The following GLI4 variants were observed in gnomAD, a reference collection of about 807,000 sequenced individuals.
The protein encoded by GLI4 is GLI family zinc finger 4, also known as zinc finger protein GLI4.
In GLI4, 34 loss-of-function variants were observed where a neutral mutation model predicts 30.9. The observed-to-expected ratio is 1.10, with a 90% CI of 0.84 to 1.47. The LOEUF is 1.47. GLI4 is among the 40% of genes most tolerant of loss of function. GLI4 has a pLI of 0.00. For synonymous variants in GLI4, 277 were observed against 236.7 expected (o/e 1.17, Z -1.56); for missense variants, 696 against 538.9 (o/e 1.29, Z -2.89).
intron 2 of GLI4, among the ~76,000 whole-genome samples, chr8:143,273,758 G>C (rs2977359): frequency 6.6e-6 from 1 of 152,244 alleles, no homozygotes; most frequent in Non-Finnish European, 1.5e-5. Flanking sequence ...GGGACACCCA[G>C]ATTCGGCCTC....
At chr8:143,271,763 G>A (rs1035976095) in intron 2 of GLI4, among the ~76,000 whole-genome samples, 3 of 152,160 alleles carry the variant, frequency 2.0e-5, no homozygotes, top group South Asian at 2.1e-4. Flanking sequence ...GGGGAGGGTC[G>A]TGAGGGGCAT....
chr8:143,273,309 A>G (rs11136277), intron 2 of GLI4: 61,993 of 152,126 alleles, frequency 0.41, 15,163 homozygotes, highest in East Asian at 0.69. Context: ...GAAAGACCCA[A>G]AGATGGTTTG....
chr8:143,276,216 G>T lies in GLI4; in HGVS notation c.543G>T (p.Lys181Asn). ...RSRQGSARGA[K>N]PHRCEACGKS... is the part of the protein sequence containing the mutation. ...GGCAGGGCAGCGCGCGGGGGGCCAAGCCGCACAGGTGCGAGGCCTGCGGCA... is the reference window on the plus strand; with the variant it reads ...GGCAGGGCAGCGCGCGGGGGGCCAATCCGCACAGGTGCGAGGCCTGCGGCA... Residue 181 changes from lysine to asparagine, a missense_variant, in exon 4 of 4, where the codon AAG becomes AAT. Physicochemically the swap from Lys to Asn is moderately conservative, Grantham distance 94 (BLOSUM62 0). Transcript: ENST00000340042. The T allele has an allele frequency of 6.9e-6, 11 of 1,586,834 alleles. No individual in the cohort carries two copies. The highest frequency in any genetic ancestry group is 9.4e-6 in the Non-Finnish European group (11 of 1,167,504).
chr8:143,271,443 G>A (rs1205236913), intron 2 of GLI4, among the ~76,000 whole-genome samples: 1 of 152,234 alleles, frequency 6.6e-6, no homozygotes. Flanking sequence ...GGCAGGGGCT[G>A]TTTCTGGGCG....
At chr8:143,271,551 C>A (rs1815268350) in intron 2 of GLI4, among the ~76,000 whole-genome samples, 2 of 152,164 alleles carry the variant, frequency 1.3e-5, no homozygotes, top group African/African-American at 2.4e-5. Context: ...GGCCATCCTG[C>A]CAATTAGGGA....
intron 3 of GLI4, chr8:143,275,025 C>T: frequency 1.3e-6 from 2 of 1,522,772 alleles, no homozygotes; most frequent in Middle Eastern, 1.7e-4. Context: ...CCACAGCCAC[C>T]TGCGCCAGTG....
chr8:143,275,246 C>T (rs1269360971), intron 3 of GLI4: 1 of 1,525,886 alleles, frequency 6.6e-7, no homozygotes, highest in Non-Finnish European at 8.8e-7. Flanking sequence ...CTGCACCTCC[C>T]CCTTGAGAAG....
intron 1 of GLI4, 177 bp downstream of exon 1, chr8:143,267,661 G>C: frequency 1.0e-6 from 1 of 985,310 alleles, no homozygotes; most frequent in African/African-American, 1.7e-5. Context: ...GGCTCCTGGG[G>C]GTCGCGGAGC....
At chr8:143,274,131 C>G (rs1200464447) in intron 2 of GLI4, among the ~76,000 whole-genome samples, 1 of 152,170 alleles carries the variant, frequency 6.6e-6, no homozygotes, top group Non-Finnish European at 1.5e-5. Context: ...ATAGATGGGC[C>G]CAGCCCATTC....
Position 143,276,054 on chromosome 8 carries a change from G to A in GLI4, c.381G>A (p.Ala127=). ...CTGAATCCAGCGCGGAGCGGCCGGCGGGCCAGCCGCCTGGGGCCGTCCCTT... is the reference window on the plus strand; with the variant it reads ...CTGAATCCAGCGCGGAGCGGCCGGCAGGCCAGCCGCCTGGGGCCGTCCCTT... ...FGPESSAERP[A]GQPPGAVPCA... Residue 127 remains alanine, a synonymous_variant, in exon 4 of 4, where the codon GCG becomes GCA. Transcript: ENST00000340042. 2 of 1,359,496 alleles carry A rather than the reference G, an allele frequency of 1.5e-6. No homozygotes were observed. The highest frequency in any genetic ancestry group is 1.9e-6 in the Non-Finnish European group (2 of 1,062,224). 84.2% of individuals were successfully genotyped at this position (1,359,496 alleles called of 1,614,324 possible). A position where few individuals can be genotyped will look rare whatever the true frequency, so the allele number is the denominator to read the frequency against.
At chr8:143,271,738 G>T (rs57093290) in intron 2 of GLI4, among the ~76,000 whole-genome samples, 2,120 of 152,256 alleles carry the variant, frequency 0.014, 62 homozygotes, top group African/African-American at 0.049. Flanking sequence ...TCCCAAGTAG[G>T]AGCCGTTTAT....
intron 2 of GLI4, among the ~76,000 whole-genome samples, chr8:143,271,016 G>GCCAGGCCCAGAAAGCCAGGCATGAGTCC (rs1406611929): frequency 1.3e-5 from 2 of 152,140 alleles, no homozygotes; most frequent in Non-Finnish European, 2.9e-5. Flanking sequence ...GCTGTGGGCA[G>GCCAGGCCCAGAAAGCCAGGCATGAGTCC]CCAGGCCCAG....
At chr8:143,268,540 G>A (rs1815191428) in intron 1 of GLI4, among the ~76,000 whole-genome samples, 1 of 152,206 alleles carries the variant, frequency 6.6e-6, no homozygotes, top group Non-Finnish European at 1.5e-5. Context: ...GAGGAAGAGA[G>A]TTGCCCTCTG....
rs752525147 is a variant in GLI4 at position 143,276,591 on chromosome 8, G to C, written c.918G>C (p.Trp306Cys). 1 of 1,605,692 alleles carries C rather than the reference G, an allele frequency of 6.2e-7. No homozygotes were observed. Among genetic ancestry groups the C allele is most frequent in the Non-Finnish European group, 8.5e-7 (1 of 1,177,582 alleles). Reference sequence around the variant, plus strand: ...GCCAGTGCGGCAAGGCCTTCATCTGGAGCTCCGTGCTCATCGAGCACCAGC... The same window carrying C: ...GCCAGTGCGGCAAGGCCTTCATCTGCAGCTCCGTGCTCATCGAGCACCAGC... Reference protein sequence around the residue: ...ACSQCGKAFIWSSVLIEHQRI... With the variant: ...ACSQCGKAFICSSVLIEHQRI... The change falls in exon 4 of 4, where the codon TGG (tryptophan) becomes TGC (cysteine). Residue 306 changes from tryptophan to cysteine, a missense_variant. Physicochemically the swap from Trp to Cys is radical, Grantham distance 215 (BLOSUM62 -2). Transcript: ENST00000340042.
At chr8:143,271,962 TGGG>T (rs1815278104) in intron 2 of GLI4, among the ~76,000 whole-genome samples, 1 of 152,178 alleles carries the variant, frequency 6.6e-6, no homozygotes, top group Non-Finnish European at 1.5e-5. Flanking sequence ...GATCAGGAGC[TGGG>T]CTGGGCTTGG....
chr8:143,272,856 A>G (rs906324843), intron 2 of GLI4, among the ~76,000 whole-genome samples: 3 of 152,158 alleles, frequency 2.0e-5, no homozygotes, highest in African/African-American at 7.2e-5. Context: ...GCTGGGGGCC[A>G]TCCTGAGTCG....
chr8:143,276,693 G>A lies in GLI4; in HGVS notation c.1020G>A (p.Arg340=), dbSNP rs143627825. 1.4e-3 allele frequency: 2,285 copies of A among 1,611,276 alleles called. 5 individuals carry two copies. The highest frequency in any genetic ancestry group is 3.4e-3 in the Admixed American group (202 of 59,832). Reference sequence around the variant, plus strand: ...TCCGCGGCCGCTCGCACTTCTTCCGGCACCTGCGGACCCACACGGGCGAGA... The same window carrying A: ...TCCGCGGCCGCTCGCACTTCTTCCGACACCTGCGGACCCACACGGGCGAGA... ...KAFRGRSHFF[R]HLRTHTGEKP... is the part of the protein sequence containing the mutation. Residue 340 remains arginine, a synonymous_variant, in exon 4 of 4, where the codon CGG becomes CGA. Transcript: ENST00000340042.
rs1411628437 is a variant in GLI4, at chr8:143,276,709, A to G, written c.1036A>G (p.Thr346Ala). Residue 346 changes from threonine to alanine, a missense_variant, in exon 4 of 4, where the codon ACG (threonine) becomes GCG (alanine). Physicochemically the swap from Thr to Ala is moderately conservative, Grantham distance 58. Coordinates refer to ENST00000340042, the MANE Select transcript of GLI4 (RefSeq NM_138465.4). Reference protein sequence around the residue: ...SHFFRHLRTHTGEKPFACGAC... With the variant: ...SHFFRHLRTHAGEKPFACGAC... ...CTTCTTCCGGCACCTGCGGACCCAC[A>G]CGGGCGAGAAGCCCTTCGCGTGTGG... 1.9e-6 allele frequency: 3 copies of G among 1,611,004 alleles called. No homozygotes were observed. Among genetic ancestry groups the G allele is most frequent in the Non-Finnish European group, 2.5e-6 (3 of 1,179,218 alleles).
intron 2 of GLI4, among the ~76,000 whole-genome samples, chr8:143,269,928 G>A (rs925722123): frequency 6.6e-6 from 1 of 152,232 alleles, no homozygotes; most frequent in Non-Finnish European, 1.5e-5. Flanking sequence ...GATCCCCCGG[G>A]ACTCGCAGGG....
Sources: allele counts gnomAD v4.1 joint callset (sites outside exome capture counted in the v4.1 genomes callset), GRCh38; gene constraint gnomAD v4.1.1; transcripts MANE v1.5; gene names NCBI Gene and HGNC (gene_info 2026-07-23, HGNC 2026-07-21).